Variants in TEKT5 observed in about 807,000 individuals in gnomAD.
TEKT5 encodes tektin 5.
A neutral mutation model predicts 48.7 loss-of-function variants in TEKT5; 52 were observed. That is an observed-to-expected ratio of 1.07 (90% confidence interval 0.86 to 1.35). The LOEUF is 1.35. Among genes scored for constraint, TEKT5 ranks in the 40% most tolerant of loss-of-function variants. The pLI is 0.00. For missense variants in TEKT5, 831 were observed against 641.6 expected (o/e 1.30, Z -3.19); for synonymous variants, 318 against 267.6 (o/e 1.19, Z -1.84).
chr16:10,636,375 C>CAA (rs35709495), intron 5 of TEKT5, among the ~76,000 whole-genome samples: 5,022 of 138,158 alleles, frequency 0.036, 120 homozygotes, highest in Non-Finnish European at 0.052. Context: ...GACTTTGTCT[C>CAA]AAAAAAAAAA....
chr16:10,659,753 G>C (rs185228492), intron 5 of TEKT5, among the ~76,000 whole-genome samples: 5 of 152,302 alleles, frequency 3.3e-5, no homozygotes, highest in Admixed American at 3.3e-4. Flanking sequence ...TGAAAGGCCT[G>C]TACGCTCATT....
intron 5 of TEKT5, among the ~76,000 whole-genome samples, chr16:10,669,286 C>G (rs1898514331): frequency 1.4e-5 from 2 of 144,958 alleles, no homozygotes; most frequent in Admixed American, 7.2e-5. Flanking sequence ...TAAACCCTAT[C>G]TCTACTAAAT....
intron 5 of TEKT5, among the ~76,000 whole-genome samples, chr16:10,673,027 G>A (rs986553124): frequency 5.3e-5 from 8 of 152,018 alleles, no homozygotes; most frequent in Non-Finnish European, 2.9e-5. Flanking sequence ...GGAGACTGAG[G>A]CTCAGAGAAG....
chr16:10,649,163 G>A (rs2142272085), intron 5 of TEKT5, among the ~76,000 whole-genome samples: 1 of 152,258 alleles, frequency 6.6e-6, no homozygotes, highest in Non-Finnish European at 1.5e-5. Context: ...ATGTTGCCTA[G>A]GCTGGAGTGC....
intron 6 of TEKT5, among the ~76,000 whole-genome samples, chr16:10,628,766 C>T (rs144336553): frequency 1.7e-3 from 264 of 152,010 alleles, no homozygotes; most frequent in African/African-American, 6.0e-3. Context: ...GTTAGCCAGG[C>T]ATGATGGTGG....
At position 10,660,317 on chromosome 16, in the gene TEKT5, T is replaced by C. The variant is rs114966105; in HGVS notation, c.1086+15642A>G. On this transcript the variant is annotated intron_variant, in intron 5 of 6. Transcript: ENST00000283025. ...CCCAAGGCAGGTGGCAGGTGGCTCT[T>C]TGGGCCACATGCCCCCACCTTTGGC... Among the ~76,000 whole-genome samples the C allele has an allele frequency of 9.5e-3, 1,442 of 152,252 alleles. 25 individuals are homozygous for C. The highest frequency in any genetic ancestry group is 0.032 in the African/African-American group (1,346 of 41,558).
rs57583870 is a variant in TEKT5 at position 10,674,617 on chromosome 16, G to GAAAAA, written c.1086+1337_1086+1341dup. On this transcript the variant is annotated intron_variant, in intron 5 of 6. Transcript: ENST00000283025. ...TGGGCAACAGAGCAAGATCATCTCA[G>GAAAAA]AAAAAAAAAAAAAAAAAAAAAAAAC... 8.8e-4 allele frequency among the ~76,000 whole-genome samples: 66 copies of GAAAAA among 74,722 alleles called. 2 individuals are homozygous for GAAAAA. The highest frequency in any genetic ancestry group is 3.6e-3 in the African/African-American group (61 of 17,074). 49.0% of individuals were successfully genotyped at this position (74,722 alleles called of 152,430 possible).
intron 1 of TEKT5, among the ~76,000 whole-genome samples, chr16:10,692,185 C>T (rs1200502637): frequency 2.0e-5 from 3 of 152,116 alleles, no homozygotes; most frequent in Non-Finnish European, 4.4e-5. Context: ...CAAAGCTGGA[C>T]TTTCCAGACA....
intron 5 of TEKT5, among the ~76,000 whole-genome samples, chr16:10,659,555 A>T (rs557405572): frequency 1.3e-5 from 2 of 152,048 alleles, no homozygotes; most frequent in South Asian, 4.2e-4. Flanking sequence ...AATTTTTTGT[A>T]TTTTTAGTAG....
At chr16:10,690,969 G>A (rs949997719) in intron 1 of TEKT5, among the ~76,000 whole-genome samples, 4 of 152,148 alleles carry the variant, frequency 2.6e-5, no homozygotes, top group African/African-American at 9.7e-5. Context: ...GAGGTGCTGG[G>A]GATAGCACAA....
chr16:10,692,126 G>A (rs540668146), intron 1 of TEKT5, among the ~76,000 whole-genome samples: 1 of 152,122 alleles, frequency 6.6e-6, no homozygotes, highest in African/African-American at 2.4e-5. Flanking sequence ...GATGTCGATG[G>A]TCCCCCTGCC....
In TEKT5 at chr16:10,675,852, C is replaced by T. The variant is rs1898634884; in HGVS notation, c.1086+107G>A. ...ACAGACCTTGGGAGAGAGGGTACTG[C>T]TTTGGCACCAGGGGCAGGGCCAGCT... On this transcript the variant is annotated intron_variant, in intron 5 of 6. Transcript: ENST00000283025. The T allele has an allele frequency of 6.2e-6, 7 of 1,130,288 alleles. No individual in the cohort carries two copies. The South Asian group carries it at 7.9e-5, about 13-fold the overall frequency. 70.0% of individuals were successfully genotyped at this position (1,130,288 alleles called of 1,614,324 possible). A position where few individuals can be genotyped will look rare whatever the true frequency, so the allele number is the denominator to read the frequency against.
At chr16:10,690,740 AAGGGGCTTTTC>A (rs1898957462) in intron 1 of TEKT5, 2 of 985,290 alleles carry the variant, frequency 2.0e-6, no homozygotes, top group Non-Finnish European at 2.4e-6. Context: ...AGGACAGGAC[AAGGGGCTTTTC>A]AGGGGCGCTC....
chr16:10,652,762 GCAAA>G (rs1387553716), intron 5 of TEKT5, among the ~76,000 whole-genome samples: 1 of 5,790 alleles, frequency 1.7e-4, no homozygotes, highest in Non-Finnish European at 3.0e-4. Flanking sequence ...ATATACACAG[GCAAA>G]CACACACACA....
In TEKT5 at chr16:10,656,898, G is replaced by T. The variant is rs144889869; in HGVS notation, c.1086+19061C>A. ...TGGGACTACAGATGCACACCACCATGCCTGGCTAATTTATTATTTTGTGTA... is the reference window on the plus strand; with the variant it reads ...TGGGACTACAGATGCACACCACCATTCCTGGCTAATTTATTATTTTGTGTA... On this transcript the variant is annotated intron_variant, in intron 5 of 6. Transcript: ENST00000283025. Among the ~76,000 whole-genome samples, 563 of 151,778 alleles carry T rather than the reference G, an allele frequency of 3.7e-3. 7 individuals are homozygous for T. Among genetic ancestry groups the T allele is most frequent in the African/African-American group, 0.012 (517 of 41,414 alleles).
In TEKT5 at chr16:10,694,333, T is replaced by A. The variant is rs1245530904; in HGVS notation, c.541A>T (p.Asn181Tyr). Reference protein sequence around the residue: ...TVKRRLECAANEVNCPLQVAL... With the variant: ...TVKRRLECAAYEVNCPLQVAL... The stretch of plus-strand genomic sequence containing the variant: ...ACCTGCAATGGGCAGTTCACCTCAT[T>A]GGCCGCGCACTCCAGCCGCCTCTTG... The change falls in exon 1 of 7, where the codon AAT (asparagine) becomes TAT (tyrosine). Residue 181 changes from asparagine (N) to tyrosine (Y), a missense_variant. Physicochemically the swap from Asn to Tyr is moderately radical, Grantham distance 143 (BLOSUM62 -2). Coordinates refer to ENST00000283025, the MANE Select transcript of TEKT5 (RefSeq NM_144674.2). 1.2e-6 allele frequency: 2 copies of A among 1,605,102 alleles called. No individual in the cohort carries two copies. Among genetic ancestry groups the A allele is most frequent in the Non-Finnish European group, 1.7e-6 (2 of 1,175,338 alleles).
chr16:10,689,419 G>A (rs547245300), intron 2 of TEKT5, 96 bp from the exon 3 acceptor site: 15 of 1,014,604 alleles, frequency 1.5e-5, no homozygotes, highest in African/African-American at 8.2e-5. Flanking sequence ...CCCTCTCACT[G>A]ACCACCCTCG....
intron 5 of TEKT5, among the ~76,000 whole-genome samples, chr16:10,651,289 G>A (rs1898152134): frequency 6.6e-6 from 1 of 152,124 alleles, no homozygotes; most frequent in African/African-American, 2.4e-5. Context: ...AGTTTAAACT[G>A]CAGCCCTAAC....
chr16:10,653,918 CAAAAACAAA>C (rs1898212330), intron 5 of TEKT5, among the ~76,000 whole-genome samples: 1 of 148,566 alleles, frequency 6.7e-6, no homozygotes, highest in African/African-American at 2.6e-5. Context: ...TGTCTCAAAA[CAAAAACAAA>C]AACAAAAACA....
Sources: allele counts gnomAD v4.1 joint callset (sites outside exome capture counted in the v4.1 genomes callset), GRCh38; gene constraint gnomAD v4.1.1; transcripts MANE v1.5; gene names NCBI Gene and HGNC (gene_info 2026-07-23, HGNC 2026-07-21).